Variants in GALNT14 observed in about 807,000 individuals in gnomAD.
GALNT14 encodes the protein UDP-GalNAc:polypeptide N-acetylgalactosaminyltransferase 14.
A neutral mutation model predicts 77.5 loss-of-function variants in GALNT14; 60 were observed. The observed-to-expected ratio is 0.77, with a 90% CI of 0.63 to 0.96. The LOEUF (loss-of-function observed/expected upper bound fraction) is 0.96. Among genes scored for constraint, GALNT14 ranks in the 40% least tolerant of loss-of-function variants. The pLI, the probability that GALNT14 is intolerant of heterozygous loss-of-function variation, is 0.00. For missense variants in GALNT14, 710 were observed against 731.0 expected (o/e 0.97, Z 0.33); for synonymous variants, 280 against 281.7 (o/e 0.99, Z 0.06).
downstream of GALNT14, among the ~76,000 whole-genome samples, chr2:30,910,202 A>C (rs936511536): frequency 6.6e-6 from 1 of 151,842 alleles, no homozygotes; most frequent in Non-Finnish European, 1.5e-5. Flanking sequence ...CTAAAACTTA[A>C]AGTATAATAA....
intron 1 of GALNT14, among the ~76,000 whole-genome samples, chr2:31,018,608 A>C (rs541012530): frequency 1.3e-5 from 2 of 152,334 alleles, no homozygotes; most frequent in East Asian, 1.9e-4. Flanking sequence ...GGGTGGGGAC[A>C]CAAAGCCAAA....
chr2:31,050,049 GC>G (rs1289205411), intron 1 of GALNT14, among the ~76,000 whole-genome samples: 1 of 152,120 alleles, frequency 6.6e-6, no homozygotes, highest in African/African-American at 2.4e-5. Context: ...ACCACAAAGA[GC>G]TTGTATACCA....
rs1220969519 is a variant in GALNT14, at chr2:31,130,774, G to GCGCC, written c.129+7183_129+7184insGGCG. ...TGTGTGTGTGTGTGTGTGTGTGTGT[G>GCGCC]TGTGTGTGTGCGCGCGCACCTGTGT... On this transcript the variant is annotated intron_variant, in intron 1 of 14. Coordinates refer to ENST00000349752, the MANE Select transcript of GALNT14 (RefSeq NM_024572.4). 2.1e-5 allele frequency among the ~76,000 whole-genome samples: 3 copies of GCGCC among 142,660 alleles called. No homozygotes were observed. The South Asian group carries it at 6.6e-4, about 31-fold the overall frequency. 93.6% of individuals were successfully genotyped at this position (142,660 alleles called of 152,430 possible).
chr2:31,125,101 G>T (rs1678637834), intron 1 of GALNT14: 3 of 1,301,630 alleles, frequency 2.3e-6, no homozygotes, highest in Admixed American at 3.9e-5. Context: ...GGGCCTGCTT[G>T]GGCAGAAAAG....
intron 1 of GALNT14, among the ~76,000 whole-genome samples, chr2:31,044,416 C>A (rs1673296388): frequency 6.6e-6 from 1 of 152,100 alleles, no homozygotes; most frequent in Non-Finnish European, 1.5e-5. Context: ...ACACCACCAC[C>A]ATCTTCACGG....
At chr2:31,125,249 C>T in intron 1 of GALNT14, 2 of 1,550,012 alleles carry the variant, frequency 1.3e-6, no homozygotes, top group African/African-American at 1.4e-5. Context: ...AAACAAGGAC[C>T]AAACCTGAAA....
intron 2 of GALNT14, among the ~76,000 whole-genome samples, chr2:30,989,583 A>ATATATATATATAAATATAT (rs56703340): frequency 1.1e-5 from 1 of 91,878 alleles, no homozygotes; most frequent in Non-Finnish European, 2.2e-5. Context: ...TATATATATA[A>ATATATATATATAAATATAT]AAATATATAT....
At chr2:31,091,664 G>A (rs1676747719) in intron 1 of GALNT14, among the ~76,000 whole-genome samples, 1 of 152,228 alleles carries the variant, frequency 6.6e-6, no homozygotes, top group African/African-American at 2.4e-5. Flanking sequence ...CAAAGCACCA[G>A]CAGATTCAGT....
intron 1 of GALNT14, 45 bp downstream of exon 1, chr2:31,137,913 C>T (rs201281701): frequency 3.2e-6 from 5 of 1,572,002 alleles, no homozygotes; most frequent in East Asian, 4.8e-5. Context: ...TGCGCGCCCT[C>T]CCGCAAGCCA....
chr2:30,966,060 A>G, intron 3 of GALNT14, 144 bp downstream of exon 3: 2 of 618,516 alleles, frequency 3.2e-6, no homozygotes, highest in Non-Finnish European at 6.0e-6. Flanking sequence ...GACTGAGTGG[A>G]CACATGTGAC....
At chr2:30,976,582 A>G (rs1159115351) in intron 2 of GALNT14, among the ~76,000 whole-genome samples, 4 of 150,948 alleles carry the variant, frequency 2.6e-5, no homozygotes, top group Non-Finnish European at 4.4e-5. Flanking sequence ...AGCACCACCC[A>G]GACGGCAGCT....
chr2:30,989,967 C>A (rs985984459), intron 2 of GALNT14, among the ~76,000 whole-genome samples: 1 of 151,932 alleles, frequency 6.6e-6, no homozygotes, highest in Non-Finnish European at 1.5e-5. Context: ...TTGGCCTTGT[C>A]CTGTTGCTGG....
At chr2:30,992,408 C>G (rs12999521) in intron 2 of GALNT14, among the ~76,000 whole-genome samples, 41,900 of 151,994 alleles carry the variant, frequency 0.28, 6,013 homozygotes, top group East Asian at 0.39. Context: ...AAGGCTCTCT[C>G]CCAGTCACAG....
At chr2:31,115,830 G>C (rs1364830771) in intron 1 of GALNT14, among the ~76,000 whole-genome samples, 2 of 152,140 alleles carry the variant, frequency 1.3e-5, no homozygotes, top group Non-Finnish European at 2.9e-5. Flanking sequence ...AGGTGAGCCT[G>C]GGCAACATAG....
At chr2:31,088,864 T>C (rs1676589861) in intron 1 of GALNT14, among the ~76,000 whole-genome samples, 1 of 152,174 alleles carries the variant, frequency 6.6e-6, no homozygotes, top group South Asian at 2.1e-4. Context: ...GATAAGATCC[T>C]GAAGATTAGC....
chr2:31,058,053 C>T (rs890447076), intron 1 of GALNT14, among the ~76,000 whole-genome samples: 2 of 152,180 alleles, frequency 1.3e-5, no homozygotes, highest in African/African-American at 4.8e-5. Context: ...CCCCTCAGCC[C>T]TAGGTGGTAA....
At chr2:30,959,286 T>A (rs562669780) in intron 3 of GALNT14, among the ~76,000 whole-genome samples, 26 of 152,342 alleles carry the variant, frequency 1.7e-4, no homozygotes, top group African/African-American at 6.3e-4. Flanking sequence ...GAAGTTTGGT[T>A]TTGTACCTCA....
At chr2:30,994,847 C>T (rs1342845002) in intron 1 of GALNT14, among the ~76,000 whole-genome samples, 1 of 152,042 alleles carries the variant, frequency 6.6e-6, no homozygotes, top group African/African-American at 2.4e-5. Context: ...CCCCTGCTCT[C>T]GAGGGGATTG....
At chr2:30,969,779 C>G (rs527887335) in intron 2 of GALNT14, among the ~76,000 whole-genome samples, 1 of 152,298 alleles carries the variant, frequency 6.6e-6, no homozygotes, top group South Asian at 2.1e-4. Flanking sequence ...GCCAATCACC[C>G]ACCTCTCCAG....
Sources: gnomAD v4.1 joint callset for allele counts (sites outside exome capture counted in the v4.1 genomes callset) on GRCh38, gnomAD v4.1.1 for gene constraint, MANE v1.5 for transcripts, NCBI Gene and HGNC (gene_info 2026-07-23, HGNC 2026-07-21) for gene names.